The following PTPRD variants were observed in gnomAD, a reference collection of about 807,000 sequenced individuals.
PTPRD encodes receptor-type tyrosine-protein phosphatase delta.
PTPRD carries 34 observed loss-of-function variants against 214.5 expected under a neutral mutation model. The observed-to-expected ratio is 0.16, with a 90% CI of 0.12 to 0.21. The LOEUF (loss-of-function observed/expected upper bound fraction) is 0.21. Among genes scored for constraint, PTPRD ranks in the 10% least tolerant of loss-of-function variants. The pLI, the probability that PTPRD is intolerant of heterozygous loss-of-function variation, is 1.00. For missense variants in PTPRD, 2,545 were observed against 2,398.7 expected (o/e 1.06, Z -1.27); for synonymous variants, 1,128 against 845.7 (o/e 1.33, Z -5.79).
At chr9:8,837,877 GAGAAA>G (rs1464881929) in intron 11 of PTPRD, among the ~76,000 whole-genome samples, 6 of 152,090 alleles carry the variant, frequency 3.9e-5, no homozygotes, top group African/African-American at 7.3e-5. Flanking sequence ...TGTTTTATAA[GAGAAA>G]AGAAGAGATT....
At chr9:8,405,324 T>C (rs1316808005) in intron 35 of PTPRD, among the ~76,000 whole-genome samples, 2 of 152,142 alleles carry the variant, frequency 1.3e-5, no homozygotes, top group African/African-American at 2.4e-5. Context: ...TTTATCATTA[T>C]ATATTTTCTA....
intron 2 of PTPRD, among the ~76,000 whole-genome samples, chr9:10,403,207 G>T (rs2098300184): frequency 1.3e-5 from 1 of 76,292 alleles, no homozygotes; most frequent in Admixed American, 1.4e-4. Context: ...TTGTTTTTCT[G>T]TTATTTGTGT....
intron 27 of PTPRD, among the ~76,000 whole-genome samples, chr9:8,489,474 A>G (rs1382054384): frequency 3.9e-5 from 6 of 152,194 alleles, no homozygotes; most frequent in Non-Finnish European, 8.8e-5. Context: ...AAACTATGAG[A>G]CAACCAGCCT....
intron 11 of PTPRD, among the ~76,000 whole-genome samples, chr9:8,778,378 T>C (rs2095563955): frequency 6.6e-6 from 1 of 152,198 alleles, no homozygotes; most frequent in Non-Finnish European, 1.5e-5. Context: ...GTCTTTTGCC[T>C]GGCCAATATC....
intron 5 of PTPRD, among the ~76,000 whole-genome samples, chr9:9,807,983 T>C (rs2045956702): frequency 6.6e-6 from 1 of 152,142 alleles, no homozygotes; most frequent in African/African-American, 2.4e-5. Context: ...TATGTAAAAA[T>C]TAAATGAGTG....
intron 14 of PTPRD, among the ~76,000 whole-genome samples, chr9:8,553,725 G>C (rs1442343424): frequency 6.6e-6 from 1 of 152,036 alleles, no homozygotes; most frequent in East Asian, 1.9e-4. Context: ...TAACCATAAA[G>C]CCCTATAAGA....
rs147033335 is a variant in PTPRD at position 8,662,303 on chromosome 9, A to AAAAC, written c.65-25463_65-25460dup. On this transcript the variant is annotated intron_variant, in intron 12 of 45. Transcript: ENST00000381196. ...GGAAACGGGGTCACTGCTATGTTGG[A>AAAAC]AAACAAACAAACAAACAAACAAACA... Among the ~76,000 whole-genome samples the AAAAC allele has an allele frequency of 9.3e-3, 1,417 of 152,052 alleles. 12 individuals carry two copies. Among genetic ancestry groups the AAAAC allele is most frequent in the African/African-American group, 0.023 (938 of 41,436 alleles).
chr9:8,546,704 T>C (rs1271641664), intron 14 of PTPRD, among the ~76,000 whole-genome samples: 1 of 152,162 alleles, frequency 6.6e-6, no homozygotes, highest in Non-Finnish European at 1.5e-5. Flanking sequence ...TTCACCACGT[T>C]GGCCAGGCTG....
chr9:10,515,794 T>C (rs1200817471), intron 2 of PTPRD, among the ~76,000 whole-genome samples: 1 of 151,934 alleles, frequency 6.6e-6, no homozygotes, highest in Non-Finnish European at 1.5e-5. Flanking sequence ...ACTGCTTCTA[T>C]TAGTTTGATT....
chr9:8,833,744 ACAC>A (rs1046113473), intron 11 of PTPRD, among the ~76,000 whole-genome samples: 7 of 150,006 alleles, frequency 4.7e-5, no homozygotes, highest in Non-Finnish European at 1.0e-4. Context: ...ACACACACAC[ACAC>A]GATTCTATAT....
At chr9:9,829,526 T>C (rs187180813) in intron 5 of PTPRD, among the ~76,000 whole-genome samples, 5 of 151,958 alleles carry the variant, frequency 3.3e-5, no homozygotes, top group African/African-American at 1.2e-4. Flanking sequence ...TTGTAATCTT[T>C]GTTACAGAAA....
intron 10 of PTPRD, among the ~76,000 whole-genome samples, chr9:9,177,074 A>C (rs1391983687): frequency 6.6e-6 from 1 of 152,182 alleles, no homozygotes; most frequent in Non-Finnish European, 1.5e-5. Context: ...TATAAAGAAA[A>C]GAGGTTTAAT....
At chr9:8,354,786 C>G (rs556553294) in intron 39 of PTPRD, among the ~76,000 whole-genome samples, 1 of 152,286 alleles carries the variant, frequency 6.6e-6, no homozygotes, top group South Asian at 2.1e-4. Flanking sequence ...GAACAGATGA[C>G]AGTTTTCCTT....
At chr9:10,352,037 G>C (rs564047195) in intron 2 of PTPRD, among the ~76,000 whole-genome samples, 1 of 152,142 alleles carries the variant, frequency 6.6e-6, no homozygotes, top group South Asian at 2.1e-4. Flanking sequence ...AGAACCACAA[G>C]TGGTGGAAAG....
chr9:8,817,937 G>A (rs1173723754), intron 11 of PTPRD, among the ~76,000 whole-genome samples: 3 of 152,130 alleles, frequency 2.0e-5, no homozygotes, highest in Admixed American at 1.3e-4. Context: ...TTGCTCAGGG[G>A]TTTTTAAAAG....
Position 9,333,504 on chromosome 9 carries a change from T to TATATATATATA in PTPRD, c.-203+63944_-203+63945insTATATATATAT, listed in dbSNP as rs1555249397. On this transcript the variant is annotated intron_variant, in intron 9 of 45. Coordinates refer to ENST00000381196, the MANE Select transcript of PTPRD (RefSeq NM_002839.4). ...TAAAACATATATATTATATAGTATA[T>TATATATATATA]TATATATATATATATATATATAAAG... is the stretch of plus-strand genomic sequence containing the variant. 1.7e-3 allele frequency among the ~76,000 whole-genome samples: 235 copies of TATATATATATA among 137,230 alleles called. 9 individuals carry two copies. The highest frequency in any genetic ancestry group is 6.6e-3 in the African/African-American group (225 of 34,288). 90.0% of individuals were successfully genotyped at this position (137,230 alleles called of 152,430 possible). A position where few individuals can be genotyped will look rare whatever the true frequency, so the allele number is the denominator to read the frequency against.
Position 10,534,282 on chromosome 9 carries a change from T to C in PTPRD, c.-600+78116A>G, listed in dbSNP as rs570092690. On this transcript the variant is annotated intron_variant, in intron 2 of 45. Coordinates refer to ENST00000381196, the MANE Select transcript of PTPRD (RefSeq NM_002839.4). Reference sequence around the variant, plus strand: ...ATCTTCCAAAGTTAAAAACTTAAAATACAGCATATTAGATAAATTCTCCCA... The same window carrying C: ...ATCTTCCAAAGTTAAAAACTTAAAACACAGCATATTAGATAAATTCTCCCA... 2.0e-5 allele frequency among the ~76,000 whole-genome samples: 3 copies of C among 152,108 alleles called. No homozygotes were observed. The East Asian group carries it at 5.8e-4, about 29-fold the overall frequency.
chr9:9,482,506 A>G (rs1488689233), intron 8 of PTPRD, among the ~76,000 whole-genome samples: 1 of 152,186 alleles, frequency 6.6e-6, no homozygotes, highest in African/African-American at 2.4e-5. Context: ...TTCATTGTCC[A>G]GATACTTGAG....
At chr9:10,447,664 T>C (rs1448184918) in intron 2 of PTPRD, among the ~76,000 whole-genome samples, 1 of 151,948 alleles carries the variant, frequency 6.6e-6, no homozygotes, top group Non-Finnish European at 1.5e-5. Flanking sequence ...GAAAGAAAAA[T>C]GCAAGACTAA....
Sources: gnomAD v4.1 joint callset for allele counts (sites outside exome capture counted in the v4.1 genomes callset) on GRCh38, gnomAD v4.1.1 for gene constraint, MANE v1.5 for transcripts, NCBI Gene and HGNC (gene_info 2026-07-23, HGNC 2026-07-21) for gene names.